The following BRD10 variants were observed in gnomAD, a reference collection of about 807,000 sequenced individuals.
BRD10 encodes uncharacterized bromodomain-containing protein 10.
the BRD10 span, chr9:5,892,591 C>T: frequency 1.2e-5 from 19 of 1,570,558 alleles, no homozygotes; most frequent in Admixed American, 3.4e-5. Context: ...TCCAGTTTGC[C>T]GTTTGCTGAC....
the BRD10 span, chr9:6,008,168 G>A: frequency 1.0e-6 from 1 of 972,280 alleles, no homozygotes; most frequent in Admixed American, 6.2e-5. Flanking sequence ...GGGCCAGCGG[G>A]GGGCTGGGAG....
At chr9:5,987,150 G>A in the BRD10 span, among the ~76,000 whole-genome samples, 5 of 151,948 alleles carry the variant, frequency 3.3e-5, no homozygotes, top group East Asian at 1.9e-4. Flanking sequence ...AAATACTCAC[G>A]CTCAATAAAC....
At chr9:5,905,992 C>G in the BRD10 span, among the ~76,000 whole-genome samples, 1 of 151,800 alleles carries the variant, frequency 6.6e-6, no homozygotes, top group African/African-American at 2.4e-5. Context: ...ATAAGCATAC[C>G]TAATTAAATA....
At chr9:5,949,343 G>C in the BRD10 span, among the ~76,000 whole-genome samples, 2 of 152,180 alleles carry the variant, frequency 1.3e-5, no homozygotes, top group East Asian at 1.9e-4. Context: ...TGGCGGCAGA[G>C]CGAGACTCCG....
chr9:5,924,840 C>T, the BRD10 span: 49 of 1,484,716 alleles, frequency 3.3e-5, no homozygotes, highest in Non-Finnish European at 2.7e-6. Flanking sequence ...TTTCTTCAGG[C>T]GGCTCCTGAA....
chr9:5,966,526 C>T, the BRD10 span, among the ~76,000 whole-genome samples: 5 of 118,118 alleles, frequency 4.2e-5, no homozygotes, highest in Non-Finnish European at 6.4e-5. Flanking sequence ...GTGGCATGAT[C>T]TCTGCTCACT....
At chr9:5,886,599 C>G in the BRD10 span, among the ~76,000 whole-genome samples, 2 of 152,188 alleles carry the variant, frequency 1.3e-5, no homozygotes, top group African/African-American at 4.8e-5. Context: ...GACTCTAGAG[C>G]TCCTGCTGTT....
At chr9:5,934,100 C>T in the BRD10 span, among the ~76,000 whole-genome samples, 1 of 149,970 alleles carries the variant, frequency 6.7e-6, no homozygotes, top group Non-Finnish European at 1.5e-5. Context: ...AAATTAAAAT[C>T]ATATAAAAAT....
the BRD10 span, among the ~76,000 whole-genome samples, chr9:5,881,853 G>A: frequency 2.6e-3 from 391 of 152,334 alleles, 1 homozygote; most frequent in Middle Eastern, 6.8e-3. Flanking sequence ...TGAGATCTGA[G>A]TGACGGTTTA....
chr9:5,905,772 C>A, the BRD10 span, among the ~76,000 whole-genome samples: 1 of 152,154 alleles, frequency 6.6e-6, no homozygotes, highest in Non-Finnish European at 1.5e-5. Flanking sequence ...ATGATTTTTA[C>A]CTACAATTCC....
At chr9:6,008,212 C>A in the BRD10 span, 19 of 979,948 alleles carry the variant, frequency 1.9e-5, no homozygotes, top group East Asian at 2.1e-3. Flanking sequence ...CCTCTCCCCT[C>A]CCCGGAGGGG....
chr9:5,923,337 T>G, the BRD10 span: 1 of 1,530,746 alleles, frequency 6.5e-7, no homozygotes. Context: ...GGGCATTTTG[T>G]TTATATAAAA....
chr9:5,933,800 A>G, the BRD10 span: 3 of 471,332 alleles, frequency 6.4e-6, no homozygotes, highest in East Asian at 2.1e-4. Context: ...TGGGATGGGT[A>G]TGACAGCACC....
the BRD10 span, among the ~76,000 whole-genome samples, chr9:5,940,177 G>C: frequency 5.9e-5 from 9 of 151,292 alleles, no homozygotes; most frequent in Admixed American, 2.6e-4. Flanking sequence ...ATATTATTTT[G>C]TATGTCTTTT....
At chr9:5,886,112 G>A in the BRD10 span, among the ~76,000 whole-genome samples, 25 of 152,218 alleles carry the variant, frequency 1.6e-4, no homozygotes, top group African/African-American at 6.0e-4. Context: ...TACCTCTGCG[G>A]GGTGTGTGAG....
At chr9:6,001,187 T>G in the BRD10 span, among the ~76,000 whole-genome samples, 4 of 152,210 alleles carry the variant, frequency 2.6e-5, no homozygotes, top group Non-Finnish European at 5.9e-5. Context: ...CCCATCCACC[T>G]TTCTATTCCT....
chr9:6,002,347 A>G, the BRD10 span, among the ~76,000 whole-genome samples: 2 of 152,186 alleles, frequency 1.3e-5, no homozygotes, highest in African/African-American at 2.4e-5. Context: ...ATAGAACTAC[A>G]TGGAATATCA....
At chr9:6,006,740 T>G in the BRD10 span, among the ~76,000 whole-genome samples, 1 of 152,196 alleles carries the variant, frequency 6.6e-6, no homozygotes. Flanking sequence ...GGGTAGTAAA[T>G]GATAAAATTA....
At chr9:5,966,372 A>T in the BRD10 span, among the ~76,000 whole-genome samples, 1 of 151,210 alleles carries the variant, frequency 6.6e-6, no homozygotes, top group Non-Finnish European at 1.5e-5. Context: ...GGTTACAATT[A>T]TATTAATAAT....
Sources: allele counts gnomAD v4.1 joint callset (sites outside exome capture counted in the v4.1 genomes callset), GRCh38; gene constraint gnomAD v4.1.1; transcripts MANE v1.5; gene names NCBI Gene and HGNC (gene_info 2026-07-23, HGNC 2026-07-21).